Variants in ATP8B2 observed in about 807,000 individuals in gnomAD.
ATP8B2 encodes the protein phospholipid-transporting ATPase ID.
Under a neutral mutation model 133.4 loss-of-function variants are expected in ATP8B2, and 70 were observed. That is an observed-to-expected ratio of 0.52 (90% confidence interval 0.43 to 0.64). The LOEUF (loss-of-function observed/expected upper bound fraction) is 0.64. Ranked by LOEUF, ATP8B2 falls within the 30% of genes least tolerant of loss-of-function variation. ATP8B2 has a pLI of 0.00. For synonymous variants in ATP8B2, 517 were observed against 589.5 expected (o/e 0.88, Z 1.78); for missense variants, 1,101 against 1,535.7 (o/e 0.72, Z 4.73).
rs745323701 is a variant in ATP8B2, at chr1:154,344,099, C to T, written c.1923+42C>T. 7.6e-5 allele frequency: 122 copies of T among 1,614,074 alleles called. No individual in the cohort carries two copies. The highest frequency in any genetic ancestry group is 9.1e-5 in the Non-Finnish European group (107 of 1,180,032). ...GGGCCAAGGATGGGCACGGAGGGCT[C>T]ATGCCTGCAATTCTTGTGCCAGGAA... On this transcript the variant is annotated intron_variant, in intron 18 of 27. Transcript: ENST00000368489. The surrounding 1 kb of genome is among the most constrained non-coding windows in gnomAD (Gnocchi z 4.1).
chr1:154,332,632 A>T lies in ATP8B2; in HGVS notation c.524A>T (p.Lys175Ile). The T allele has an allele frequency of 6.3e-7, 1 of 1,589,590 alleles. No homozygotes were observed. The highest frequency in any genetic ancestry group is 8.6e-7 in the Non-Finnish European group (1 of 1,166,884). The change falls in exon 9 of 28, where the codon AAA becomes ATA. Residue 175 changes from lysine (K) to isoleucine (I), a missense_variant. Transcript: ENST00000368489. Reference sequence around the variant, plus strand: ...TGTCCTTCCAGCGAGACCAACATGAAAGTACGTCAGGCGATTCCAGTCACC... The same window carrying T: ...TGTCCTTCCAGCGAGACCAACATGATAGTACGTCAGGCGATTCCAGTCACC... ...TAELDGETNM[K>I]VRQAIPVTSE...
rs1686121506 is a variant in ATP8B2, at chr1:154,334,868, G to A, written c.837+277G>A. ...ATGATGATGACTTTGTGAAGCATGTGACCTTCTGTTTGCTTTTGCCAGGGA... is the reference window on the plus strand; with the variant it reads ...ATGATGATGACTTTGTGAAGCATGTAACCTTCTGTTTGCTTTTGCCAGGGA... On this transcript the variant is annotated intron_variant, in intron 11 of 27. Transcript: ENST00000368489. The surrounding 1 kb of genome is among the most constrained non-coding windows in gnomAD (Gnocchi z 4.6). Among the ~76,000 whole-genome samples, 2 of 152,120 alleles carry A rather than the reference G, an allele frequency of 1.3e-5. No homozygotes were observed. The highest frequency in any genetic ancestry group is 4.1e-4 in the South Asian group (2 of 4,830).
chr1:154,330,297 T>A, intron 2 of ATP8B2, 99 bp from the exon 3 acceptor site: 1 of 1,084,694 alleles, frequency 9.2e-7, no homozygotes, highest in Non-Finnish European at 1.4e-6. Flanking sequence ...GCTAACTCCT[T>A]AAAATGATAT....
In ATP8B2 at chr1:154,329,619, G is replaced by A. The variant is rs370642717; in HGVS notation, c.32-777G>A. Among the ~76,000 whole-genome samples the A allele has an allele frequency of 3.3e-5, 5 of 152,274 alleles. No individual in the cohort carries two copies. In the East Asian group the frequency reaches 7.7e-4, roughly 24 times the overall value. On this transcript the variant is annotated intron_variant, in intron 2 of 27. Transcript: ENST00000368489. ...GATAGGTGTCACTAACTGAGTGACA[G>A]ATGAGCCCTTTAAAGCTAAATGTGT...
chr1:154,330,742 G>T, intron 3 of ATP8B2, 73 bp from the exon 4 acceptor site: 1 of 1,288,886 alleles, frequency 7.8e-7, no homozygotes, highest in Non-Finnish European at 1.1e-6. Flanking sequence ...GTATAAAGAT[G>T]GGGGAGGCAG....
intron 13 of ATP8B2, 156 bp downstream of exon 13, chr1:154,341,218 C>T: frequency 1.3e-6 from 1 of 774,418 alleles, no homozygotes; most frequent in South Asian, 1.5e-5. Context: ...GGCACGGTGG[C>T]TCATGCCTAT....
chr1:154,329,490 G>C (rs1199139117), intron 2 of ATP8B2, among the ~76,000 whole-genome samples: 1 of 152,162 alleles, frequency 6.6e-6, no homozygotes, highest in African/African-American at 2.4e-5. Context: ...GTGACCCCCG[G>C]GGAGACGGGC....
intron 13 of ATP8B2, chr1:154,341,317 C>A: frequency 3.7e-6 from 2 of 536,846 alleles, no homozygotes. Context: ...AGACCACATC[C>A]CTACAAAAAA....
intron 13 of ATP8B2, chr1:154,341,342 A>G: frequency 2.1e-6 from 1 of 466,378 alleles, no homozygotes; most frequent in Non-Finnish European, 4.0e-6. Flanking sequence ...AAAATTAGCC[A>G]GGTATGGTGG....
At chr1:154,333,540 C>T (rs952980170) in intron 9 of ATP8B2, among the ~76,000 whole-genome samples, 3 of 151,444 alleles carry the variant, frequency 2.0e-5, no homozygotes, top group African/African-American at 7.3e-5. Context: ...CTCTTCCTTC[C>T]TCTTCTACCC....
intron 2 of ATP8B2, among the ~76,000 whole-genome samples, chr1:154,329,867 G>T (rs1685921109): frequency 6.6e-6 from 1 of 152,100 alleles, no homozygotes. Flanking sequence ...CTGTAGGGGG[G>T]ACTGCACATG....
chr1:154,338,362 A>G lies in ATP8B2; in HGVS notation c.1034+818A>G, dbSNP rs1230905879. ...CCTGTGGACTTTGTATTTACTAACC[A>G]TTAAAAGTTATTGAAAAGACTGGGC... On this transcript the variant is annotated intron_variant, in intron 12 of 27. Transcript: ENST00000368489. 2.0e-5 allele frequency among the ~76,000 whole-genome samples: 3 copies of G among 152,088 alleles called. No homozygotes were observed. The East Asian group carries it at 5.8e-4, about 29-fold the overall frequency.
In ATP8B2 at chr1:154,332,541, G is replaced by A. The variant is rs151081718; in HGVS notation, c.510-77G>A. The A allele has an allele frequency of 1.7e-4, 208 of 1,198,400 alleles. No individual in the cohort carries two copies. In the African/African-American group the frequency reaches 2.8e-3, roughly 16 times the overall value. 74.2% of individuals were successfully genotyped at this position (1,198,400 alleles called of 1,614,324 possible). A position where few individuals can be genotyped will look rare whatever the true frequency, so the allele number is the denominator to read the frequency against. Reference sequence around the variant, plus strand: ...CGACTGCACTCCAGCCTGAGCAGCAGAGCGAGACCCCATCTGTGAAAAAAA... The same window carrying A: ...CGACTGCACTCCAGCCTGAGCAGCAAAGCGAGACCCCATCTGTGAAAAAAA... On this transcript the variant is annotated intron_variant, in intron 8 of 27. Transcript: ENST00000368489.
In ATP8B2 at chr1:154,342,899, C is replaced by T. The variant is rs754483178; in HGVS notation, c.1391C>T (p.Thr464Met). The change falls in exon 15 of 28, where the codon ACG becomes ATG. Residue 464 changes from threonine to methionine, a missense_variant. By Grantham distance (81) the Thr-to-Met change is moderately conservative. Transcript: ENST00000368489. Reference sequence around the variant, plus strand: ...GCTGTCAAGATCGGGGACCCCCACACGCATGAGTTCTTCCGCCTCCTTTCC... The same window carrying T: ...GCTGTCAAGATCGGGGACCCCCACATGCATGAGTTCTTCCGCCTCCTTTCC... ...LEAVKIGDPH[T>M]HEFFRLLSLC... 84 of 1,614,058 alleles carry T rather than the reference C, an allele frequency of 5.2e-5. 1 individual carries two copies. The highest frequency in any genetic ancestry group is 3.7e-4 in the Admixed American group (22 of 60,010).
chr1:154,332,486 A>G, intron 8 of ATP8B2, 132 bp from the exon 9 acceptor site: 1 of 692,856 alleles, frequency 1.4e-6, no homozygotes, highest in Non-Finnish European at 2.5e-6. Flanking sequence ...TGAGCCCAGG[A>G]GTTCGAGGCT....
Position 154,344,427 on chromosome 1 carries a change from A to T in ATP8B2, c.2068A>T (p.Met690Leu), listed in dbSNP as rs1365973615. 6 of 1,614,034 alleles carry T rather than the reference A, an allele frequency of 3.7e-6. No homozygotes were observed. In the African/African-American group the frequency reaches 5.3e-5, roughly 14 times the overall value. ...TAVNIGYSCK[M>L]LTDDMTEVFI... Reference sequence around the variant, plus strand: ...TGTGAACATCGGCTATTCCTGCAAGATGCTGACGGATGACATGACTGAGGT... The same window carrying T: ...TGTGAACATCGGCTATTCCTGCAAGTTGCTGACGGATGACATGACTGAGGT... The change falls in exon 20 of 28, where the codon ATG (methionine) becomes TTG (leucine). Residue 690 changes from methionine to leucine, a missense_variant. Transcript: ENST00000368489. This position sits in a 1 kb window ranked among gnomAD's most constrained non-coding sequence, Gnocchi z 4.1.
chr1:154,331,342 G>C lies in ATP8B2; in HGVS notation c.304-102G>C. ...CAGGGAGTGAACTGGTTTGTGATGG[G>C]GTGTGTATGAGGCGTTAACCAGCAT... On this transcript the variant is annotated intron_variant, in intron 5 of 27. Coordinates refer to ENST00000368489, the MANE Select transcript of ATP8B2 (RefSeq NM_001370597.1). The surrounding 1 kb of genome is among the most constrained non-coding windows in gnomAD (Gnocchi z 4.8). 1 of 1,297,048 alleles carries C rather than the reference G, an allele frequency of 7.7e-7. No individual in the cohort carries two copies. The highest frequency in any genetic ancestry group is 2.3e-5 in the East Asian group (1 of 43,070). 80.3% of individuals were successfully genotyped at this position (1,297,048 alleles called of 1,614,324 possible).
Position 154,344,419 on chromosome 1 carries a change from C to T in ATP8B2, c.2060C>T (p.Ser687Phe), listed in dbSNP as rs199582939. 3.0e-5 allele frequency: 49 copies of T among 1,614,122 alleles called. No homozygotes were observed. The Admixed American group carries it at 7.5e-4, about 25-fold the overall frequency. ...GAGACGGCTGTGAACATCGGCTATT[C>T]CTGCAAGATGCTGACGGATGACATG... ...KQETAVNIGY[S>F]CKMLTDDMTE... Residue 687 changes from serine (S) to phenylalanine (F), a missense_variant, in exon 20 of 28, where the codon TCC (serine) becomes TTC (phenylalanine). Coordinates refer to ENST00000368489, the MANE Select transcript of ATP8B2 (RefSeq NM_001370597.1). The surrounding 1 kb of genome is among the most constrained non-coding windows in gnomAD (Gnocchi z 4.1).
At chr1:154,348,720 A>G (rs59710344) in intron 27 of ATP8B2, 120 bp from the exon 28 acceptor site, 12 of 1,386,206 alleles carry the variant, frequency 8.7e-6, no homozygotes, top group Admixed American at 7.3e-5. Context: ...GCCTGGTCCC[A>G]GGTGCTGTGG....
Sources: gnomAD v4.1 joint callset for allele counts (sites outside exome capture counted in the v4.1 genomes callset) on GRCh38, gnomAD v4.1.1 for gene constraint, Gnocchi (gnomAD v3.1) non-coding constraint, MANE v1.5 for transcripts, NCBI Gene and HGNC (gene_info 2026-07-23, HGNC 2026-07-21) for gene names.